PLCL1: variants seen among roughly 807,000 people sequenced by gnomAD.
PLCL1 encodes phospholipase C like 1 (inactive).
PLCL1 carries 41 observed loss-of-function variants against 84.4 expected under a neutral mutation model. The ratio of observed to expected loss-of-function variants is 0.49; its 90% CI spans 0.38 to 0.63. The LOEUF (loss-of-function observed/expected upper bound fraction) is 0.63, where lower values mean the gene tolerates loss of function less well. Ranked by LOEUF, PLCL1 falls within the 30% of genes least tolerant of loss-of-function variation. The probability of loss-of-function intolerance (pLI) is 0.00; values close to 1 mark genes in which losing one functional copy is unlikely to be tolerated. For synonymous variants in PLCL1, 490 were observed against 488.3 expected, an observed-to-expected ratio of 1.00 and a Z score of -0.05; for missense variants, 1,206 against 1,367.8, an observed-to-expected ratio of 0.88 and a Z score of 1.87.
At chr2:198,033,364 G>T (rs1359125778) in intron 1 of PLCL1, among the ~76,000 whole-genome samples, 6 of 152,058 alleles carry the variant, frequency 3.9e-5, no homozygotes, top group Non-Finnish European at 7.4e-5. Context: ...CCAAAGAATT[G>T]CCCCCTCACT....
At chr2:197,814,169 A>AT (rs1352832462) in intron 1 of PLCL1, among the ~76,000 whole-genome samples, 2 of 152,070 alleles carry the variant, frequency 1.3e-5, no homozygotes, top group Non-Finnish European at 2.9e-5. Context: ...CAGATATTGC[A>AT]TTTTTTTAAA....
chr2:197,822,248 G>T (rs375628789), intron 1 of PLCL1, among the ~76,000 whole-genome samples: 89 of 152,274 alleles, frequency 5.8e-4, no homozygotes, highest in Non-Finnish European at 1.2e-3. Context: ...TTCTAGATGT[G>T]CAGAATTTGC....
intron 1 of PLCL1, among the ~76,000 whole-genome samples, chr2:197,958,815 T>C (rs1689545471): frequency 6.6e-6 from 1 of 152,038 alleles, no homozygotes; most frequent in Non-Finnish European, 1.5e-5. Flanking sequence ...ACAGGAGCTA[T>C]GTAACTTGTC....
Position 197,878,930 on chromosome 2 carries a change from T to C in PLCL1, c.240+73591T>C. The stretch of plus-strand genomic sequence containing the variant: ...GCCCATGCAGTGCTTTTACAATGTT[T>C]GTGCCAACATTTTAATAGGAAGATT... On this transcript the variant is annotated intron_variant, in intron 1 of 5. Transcript: ENST00000428675. Among the ~76,000 whole-genome samples, 2 of 152,252 alleles carry C rather than the reference T, an allele frequency of 1.3e-5. 1 individual carries two copies. The highest frequency in any genetic ancestry group is 2.9e-5 in the Non-Finnish European group (2 of 68,046).
intron 1 of PLCL1, among the ~76,000 whole-genome samples, chr2:198,007,120 C>T (rs74717929): frequency 0.025 from 3,794 of 152,126 alleles, 172 homozygotes; most frequent in African/African-American, 0.086. Context: ...AAAAATGTTC[C>T]TCAATATTGA....
intron 1 of PLCL1, among the ~76,000 whole-genome samples, chr2:197,959,043 T>C (rs747693418): frequency 3.2e-4 from 49 of 152,134 alleles, no homozygotes; most frequent in South Asian, 1.7e-3. Flanking sequence ...TACCGAAATA[T>C]ACTCTAGAAA....
chr2:197,958,138 G>A (rs1689528413), intron 1 of PLCL1, among the ~76,000 whole-genome samples: 1 of 151,910 alleles, frequency 6.6e-6, no homozygotes, highest in Admixed American at 6.6e-5. Flanking sequence ...TAAGGGTTTG[G>A]TGGGATAAAA....
chr2:198,000,196 C>T (rs979864117), intron 1 of PLCL1, among the ~76,000 whole-genome samples: 18 of 152,044 alleles, frequency 1.2e-4, no homozygotes, highest in Admixed American at 7.9e-4. Flanking sequence ...GGCCAAGTTT[C>T]GTACATCTTA....
At chr2:197,906,575 C>G (rs1032259322) in intron 1 of PLCL1, among the ~76,000 whole-genome samples, 1 of 152,016 alleles carries the variant, frequency 6.6e-6, no homozygotes, top group African/African-American at 2.4e-5. Flanking sequence ...TAAGTTTAAA[C>G]TAGTTTTTTC....
intron 1 of PLCL1, among the ~76,000 whole-genome samples, chr2:198,010,624 G>A (rs1246971338): frequency 6.6e-6 from 1 of 151,700 alleles, no homozygotes; most frequent in Admixed American, 6.6e-5. Context: ...TTTTTTGTGT[G>A]TCTTTTTCTG....
At chr2:197,942,766 T>C (rs1358837024) in intron 1 of PLCL1, among the ~76,000 whole-genome samples, 2 of 152,198 alleles carry the variant, frequency 1.3e-5, no homozygotes, top group Admixed American at 1.3e-4. Flanking sequence ...TCATCACAGG[T>C]TCTCTTGTCT....
chr2:197,894,422 G>T (rs1360480140), intron 1 of PLCL1, among the ~76,000 whole-genome samples: 1 of 151,936 alleles, frequency 6.6e-6, no homozygotes, highest in Non-Finnish European at 1.5e-5. Flanking sequence ...GCTCTTTTCT[G>T]CTCACTTCTG....
At chr2:197,883,208 G>T (rs1050980964) in intron 1 of PLCL1, among the ~76,000 whole-genome samples, 2 of 152,122 alleles carry the variant, frequency 1.3e-5, no homozygotes, top group Non-Finnish European at 2.9e-5. Context: ...ATATTTAAAT[G>T]AAAAAGTAAA....
intron 1 of PLCL1, among the ~76,000 whole-genome samples, chr2:197,815,068 GC>G (rs199957492): frequency 0.014 from 2,139 of 152,256 alleles, 50 homozygotes; most frequent in African/African-American, 0.048. Context: ...TATCGATGAA[GC>G]CGGCTACACT....
intron 1 of PLCL1, among the ~76,000 whole-genome samples, chr2:198,049,487 C>A (rs1691878343): frequency 6.6e-6 from 1 of 152,052 alleles, no homozygotes; most frequent in Non-Finnish European, 1.5e-5. Flanking sequence ...TTACATATCC[C>A]AATGGACTTT....
intron 1 of PLCL1, among the ~76,000 whole-genome samples, chr2:197,881,475 T>C (rs1389373351): frequency 6.6e-6 from 1 of 152,018 alleles, no homozygotes; most frequent in African/African-American, 2.4e-5. Context: ...TTTTGCCATA[T>C]ACTGCTCTGT....
At chr2:197,824,048 A>G (rs1364506804) in intron 1 of PLCL1, among the ~76,000 whole-genome samples, 1 of 151,936 alleles carries the variant, frequency 6.6e-6, no homozygotes, top group Non-Finnish European at 1.5e-5. Flanking sequence ...ATTTGACACT[A>G]TATTGTGTCC....
At chr2:197,894,446 T>G (rs1335580653) in intron 1 of PLCL1, among the ~76,000 whole-genome samples, 5 of 152,116 alleles carry the variant, frequency 3.3e-5, no homozygotes, top group Non-Finnish European at 5.9e-5. Context: ...AAAGTCAAAT[T>G]TAAAGAACTA....
At chr2:197,824,413 T>C (rs1225584090) in intron 1 of PLCL1, among the ~76,000 whole-genome samples, 3 of 151,998 alleles carry the variant, frequency 2.0e-5, no homozygotes, top group Non-Finnish European at 2.9e-5. Flanking sequence ...TTGTGCTATA[T>C]GCAAAACGTG....
Sources: allele counts gnomAD v4.1 joint callset (sites outside exome capture counted in the v4.1 genomes callset), GRCh38; gene constraint gnomAD v4.1.1; transcripts MANE v1.5; gene names NCBI Gene and HGNC (gene_info 2026-07-23, HGNC 2026-07-21).